COL11A1: variants seen among roughly 807,000 people sequenced by gnomAD.
The protein encoded by COL11A1 is collagen type XI alpha 1 chain, also known as collagen alpha-1(XI) chain.
Under a neutral mutation model 265.2 loss-of-function variants are expected in COL11A1, and 74 were observed. The ratio of observed to expected loss-of-function variants is 0.28; its 90% CI spans 0.23 to 0.34. The LOEUF (loss-of-function observed/expected upper bound fraction) is 0.34. Ranked by LOEUF, COL11A1 falls within the 10% of genes least tolerant of loss-of-function variation. COL11A1 has a pLI of 1.00. For synonymous variants in COL11A1, 816 were observed against 727.6 expected (o/e 1.12, Z -1.96); for missense variants, 2,165 against 2,263.6 (o/e 0.96, Z 0.88).
intron 14 of COL11A1, among the ~76,000 whole-genome samples, chr1:103,011,994 A>G (rs72683297): frequency 0.09 from 13,635 of 152,230 alleles, 747 homozygotes; most frequent in Non-Finnish European, 0.11. Flanking sequence ...TTTAAAAAGT[A>G]TCTTGCTTGC....
chr1:102,951,524 T>C (rs995587328), intron 41 of COL11A1, among the ~76,000 whole-genome samples: 3 of 152,044 alleles, frequency 2.0e-5, no homozygotes, highest in Admixed American at 1.3e-4. Flanking sequence ...GGTGAAACCC[T>C]GTCTCTACCA....
chr1:102,955,208 A>G (rs557618696), intron 41 of COL11A1, among the ~76,000 whole-genome samples: 1 of 152,316 alleles, frequency 6.6e-6, no homozygotes, highest in African/African-American at 2.4e-5. Flanking sequence ...TTGCTGGAAG[A>G]ATAAGTAAAA....
At position 103,000,528 on chromosome 1, in the gene COL11A1, AG is replaced by A. The variant is rs1458805538; in HGVS notation, c.2142+1396del. Reference sequence around the variant, plus strand: ...AAGATGTTCAACAAAAGTAGTGATTAGGAAAATGCAAATTACAACCACAATG... The same window carrying A: ...AAGATGTTCAACAAAAGTAGTGATTAGAAAATGCAAATTACAACCACAATG... On this transcript the variant is annotated intron_variant, in intron 24 of 66. Transcript: ENST00000370096. 2.0e-5 allele frequency among the ~76,000 whole-genome samples: 3 copies of A among 152,096 alleles called. No homozygotes were observed. In the East Asian group the frequency reaches 5.8e-4, roughly 29 times the overall value.
At chr1:103,030,650 T>A (rs1667907441) in intron 5 of COL11A1, among the ~76,000 whole-genome samples, 1 of 151,124 alleles carries the variant, frequency 6.6e-6, no homozygotes, top group South Asian at 2.1e-4. Context: ...TGAGAAAATT[T>A]TTTTTAAAAA....
At chr1:103,001,432 G>T (rs7523887) in intron 24 of COL11A1, 5 of 406,450 alleles carry the variant, frequency 1.2e-5, no homozygotes, top group African/African-American at 6.2e-5. Context: ...CAGGGAAAAA[G>T]ACATGTGTTT....
At chr1:102,993,943 T>G (rs1260350034) in intron 28 of COL11A1, among the ~76,000 whole-genome samples, 1 of 152,220 alleles carries the variant, frequency 6.6e-6, no homozygotes, top group Non-Finnish European at 1.5e-5. Flanking sequence ...ACTGGTACTC[T>G]GAAGTTCATC....
intron 12 of COL11A1, 81 bp from the exon 13 acceptor site, chr1:103,014,675 A>G: frequency 8.7e-7 from 1 of 1,144,670 alleles, no homozygotes; most frequent in South Asian, 1.3e-5. Context: ...TTAGATAAAA[A>G]CCACTTATTA....
chr1:103,045,443 T>G (rs1669169402), intron 4 of COL11A1, among the ~76,000 whole-genome samples: 1 of 152,074 alleles, frequency 6.6e-6, no homozygotes, highest in Non-Finnish European at 1.5e-5. Flanking sequence ...GTAATACTGA[T>G]AGTTATAATA....
At chr1:103,079,057 A>G (rs866588705) in intron 2 of COL11A1, among the ~76,000 whole-genome samples, 186 bp from the exon 3 acceptor site, 1 of 152,254 alleles carries the variant, frequency 6.6e-6, no homozygotes, top group Non-Finnish European at 1.5e-5. Flanking sequence ...TATCCAAGCT[A>G]TAGTCAAACT....
intron 49 of COL11A1, among the ~76,000 whole-genome samples, chr1:102,917,133 G>A (rs1430630186): frequency 6.6e-6 from 1 of 151,756 alleles, no homozygotes; most frequent in African/African-American, 2.4e-5. Flanking sequence ...AAAACTGGAG[G>A]CATCACACTA....
chr1:103,014,167 T>C (rs894255488), intron 13 of COL11A1, among the ~76,000 whole-genome samples: 1 of 152,008 alleles, frequency 6.6e-6, no homozygotes, highest in African/African-American at 2.4e-5. Context: ...CATTGACTTA[T>C]AAGTTAGCAG....
In COL11A1 at chr1:102,934,584, A is replaced by G. The variant is rs769719670; in HGVS notation, c.3493-28T>C. 8 of 1,532,626 alleles carry G rather than the reference A, an allele frequency of 5.2e-6. No homozygotes were observed. In the African/African-American group the frequency reaches 6.8e-5, roughly 13 times the overall value. 94.9% of individuals were successfully genotyped at this position (1,532,626 alleles called of 1,614,324 possible). ...AGAGAAGAGAAAGAAACATTATCAC[A>G]AACTGGAAAAAATCATTACGATATG... On this transcript the variant is annotated intron_variant, in intron 45 of 66. Coordinates refer to ENST00000370096, the MANE Select transcript of COL11A1 (RefSeq NM_001854.4).
chr1:103,060,045 C>A (rs568039330), intron 4 of COL11A1, among the ~76,000 whole-genome samples: 5 of 151,990 alleles, frequency 3.3e-5, no homozygotes, highest in Admixed American at 3.3e-4. Context: ...GACCAAAAAT[C>A]TGGGAATATC....
chr1:102,891,693 A>T (rs920710506), intron 57 of COL11A1, among the ~76,000 whole-genome samples: 4 of 149,708 alleles, frequency 2.7e-5, no homozygotes, highest in African/African-American at 9.9e-5. Flanking sequence ...TGGGTAACAC[A>T]GTGAGACATT....
At chr1:102,983,204 A>G (rs1055145485) in intron 31 of COL11A1, among the ~76,000 whole-genome samples, 1 of 151,804 alleles carries the variant, frequency 6.6e-6, no homozygotes, top group Admixed American at 6.6e-5. Context: ...CGAGGTAAAT[A>G]TGCATTTTGA....
intron 25 of COL11A1, 112 bp downstream of exon 25, chr1:102,998,198 G>T (rs1382391381): frequency 1.1e-6 from 1 of 890,390 alleles, no homozygotes; most frequent in African/African-American, 1.7e-5. Context: ...TTTAATTACT[G>T]GCTCAATTTA....
In COL11A1 at chr1:103,014,538, C is replaced by G; in HGVS notation, c.1545G>C (p.Gln515His). 6.2e-7 allele frequency: 1 copy of G among 1,613,734 alleles called. No homozygotes were observed. Among genetic ancestry groups the G allele is most frequent in the Non-Finnish European group, 8.5e-7 (1 of 1,179,766 alleles). ...KGPTISAQEA[Q>H]AQAILQQARI... ...GAGCCTGCTGAAGAATAGCTTGAGCCTGAGCTTCCTGAGCAGAGATGGTTG... is the reference window on the plus strand; with the variant it reads ...GAGCCTGCTGAAGAATAGCTTGAGCGTGAGCTTCCTGAGCAGAGATGGTTG... The change falls in exon 13 of 67, where the codon CAG becomes CAC. Residue 515 changes from glutamine (Q) to histidine (H), a missense_variant. Coordinates refer to ENST00000370096, the MANE Select transcript of COL11A1 (RefSeq NM_001854.4).
At chr1:102,901,386 C>T (rs987896367) in intron 54 of COL11A1, among the ~76,000 whole-genome samples, 1 of 151,812 alleles carries the variant, frequency 6.6e-6, no homozygotes. Context: ...GCTCCTTGTC[C>T]TTCCACCATG....
At position 102,876,531 on chromosome 1, in the gene COL11A1, C is replaced by G. The variant is rs886044968; in HGVS notation, c.*1488G>C. Reference sequence around the variant, plus strand: ...ATCTCCCTTCTTAAAAGGACATTTACAAACTCGATTTCAAAAATAAAAGAA... The same window carrying G: ...ATCTCCCTTCTTAAAAGGACATTTAGAAACTCGATTTCAAAAATAAAAGAA... On this transcript the variant is annotated 3_prime_UTR_variant, in exon 67 of 67. Transcript: ENST00000370096. The G allele has an allele frequency of 1.2e-4, 19 of 152,428 alleles. No individual in the cohort carries two copies. Among genetic ancestry groups the G allele is most frequent in the Non-Finnish European group, 2.9e-5 (2 of 67,900 alleles). The allele number at this position is 152,428 out of a possible 1,614,324, so 9.4% of individuals were successfully genotyped here. A position where few individuals can be genotyped will look rare whatever the true frequency, so the allele number is the denominator to read the frequency against.
Sources: allele counts gnomAD v4.1 joint callset (sites outside exome capture counted in the v4.1 genomes callset), GRCh38; gene constraint gnomAD v4.1.1; transcripts MANE v1.5; gene names NCBI Gene and HGNC (gene_info 2026-07-23, HGNC 2026-07-21).